Variants in RBX1 observed in about 807,000 individuals in gnomAD.
The protein encoded by RBX1 is ring-box 1, also known as E3 ubiquitin-protein ligase RBX1.
For missense variants in RBX1, 46 were observed against 141.4 expected (o/e 0.33, Z 3.42); for synonymous variants, 48 against 47.9 (o/e 1.00, Z -0.01).
At chr22:40,964,890 G>C (rs1287806448) in intron 3 of RBX1, among the ~76,000 whole-genome samples, 2 of 152,116 alleles carry the variant, frequency 1.3e-5, no homozygotes, top group Non-Finnish European at 2.9e-5. Flanking sequence ...CCAATCCTGG[G>C]TTCCCTCATA....
chr22:40,972,179 C>T (rs1298330760), intron 4 of RBX1, among the ~76,000 whole-genome samples: 1 of 152,178 alleles, frequency 6.6e-6, no homozygotes, highest in African/African-American at 2.4e-5. Context: ...AATGACTTTT[C>T]CCTCTCACCT....
chr22:40,953,760 A>G (rs1298466438), intron 2 of RBX1, 127 bp downstream of exon 2: 1 of 664,498 alleles, frequency 1.5e-6, no homozygotes, highest in African/African-American at 1.8e-5. Flanking sequence ...GGTCTTCTGT[A>G]TCTAGTCTGT....
rs1209264381 is a variant in RBX1, at chr22:40,953,572, C to T, written c.96C>T (p.Leu32=). The T allele has an allele frequency of 3.7e-6, 6 of 1,610,824 alleles. No individual in the cohort carries two copies. The highest frequency in any genetic ancestry group is 5.1e-6 in the Non-Finnish European group (6 of 1,177,510). Residue 32 remains leucine (L), a synonymous_variant, in exon 2 of 5, where the codon CTC becomes CTT. Coordinates refer to ENST00000216225, the MANE Select transcript of RBX1 (RefSeq NM_014248.4). ...FEVKKWNAVA[L]WAWDIVVDNC... is the part of the protein sequence containing the mutation. ...CTTTGCAGTGGAATGCAGTAGCCCTCTGGGCCTGGGATATTGTGGTTGATA... is the reference window on the plus strand; with the variant it reads ...CTTTGCAGTGGAATGCAGTAGCCCTTTGGGCCTGGGATATTGTGGTTGATA...
Position 40,964,127 on chromosome 22 carries a change from C to A in RBX1, c.228+10C>A. ...ATGGGGAGTCTGTAACGTAAGGAAG[C>A]ATCTTTACCTGTCAGCATGGCTTGT... On this transcript the variant is annotated intron_variant, in intron 3 of 4. Coordinates refer to ENST00000216225, the MANE Select transcript of RBX1 (RefSeq NM_014248.4). 6.3e-7 allele frequency: 1 copy of A among 1,598,842 alleles called. No homozygotes were observed. Among genetic ancestry groups the A allele is most frequent in the Non-Finnish European group, 8.6e-7 (1 of 1,166,108 alleles).
At chr22:40,967,727 G>A in intron 3 of RBX1, 72 bp from the exon 4 acceptor site, 1 of 1,241,940 alleles carries the variant, frequency 8.1e-7, no homozygotes, top group Non-Finnish European at 1.2e-6. Context: ...CCACTACCCT[G>A]TGGGACCTGT....
intron 2 of RBX1, among the ~76,000 whole-genome samples, chr22:40,956,717 C>A (rs556524104): frequency 6.6e-6 from 1 of 151,738 alleles, no homozygotes; most frequent in Admixed American, 6.6e-5. Flanking sequence ...CCACCATGTC[C>A]GACCTCAAGT....
chr22:40,971,006 A>C (rs571262641), intron 4 of RBX1, among the ~76,000 whole-genome samples: 1 of 152,174 alleles, frequency 6.6e-6, no homozygotes, highest in Non-Finnish European at 1.5e-5. Context: ...CTTGCATTCT[A>C]CAGGGAACCA....
chr22:40,961,852 T>C (rs531809186), intron 2 of RBX1, among the ~76,000 whole-genome samples: 1 of 151,458 alleles, frequency 6.6e-6, no homozygotes, highest in South Asian at 2.1e-4. Context: ...TGGTGTGATC[T>C]CGGCTCACTG....
intron 2 of RBX1, among the ~76,000 whole-genome samples, chr22:40,959,877 G>C (rs1336442566): frequency 6.6e-6 from 1 of 152,292 alleles, no homozygotes; most frequent in Admixed American, 6.5e-5. Context: ...AGCACCATGG[G>C]AGGCCGAGGC....
At chr22:40,958,894 A>C (rs1036893208) in intron 2 of RBX1, among the ~76,000 whole-genome samples, 1 of 151,340 alleles carries the variant, frequency 6.6e-6, no homozygotes, top group African/African-American at 2.4e-5. Flanking sequence ...GTGCACTGCA[A>C]CCTCTGCCTC....
Position 40,956,158 on chromosome 22 carries a change from A to G in RBX1, c.157+2525A>G, listed in dbSNP as rs940767298. Among the ~76,000 whole-genome samples, 8 of 152,246 alleles carry G rather than the reference A, an allele frequency of 5.3e-5. No homozygotes were observed. In the South Asian group the frequency reaches 1.0e-3, roughly 20 times the overall value. ...GGACCACAGAAGACAAAGGCGATCT[A>G]TATTGTCTTCTCTTAGAGTGAAATG... On this transcript the variant is annotated intron_variant, in intron 2 of 4. Coordinates refer to ENST00000216225, the MANE Select transcript of RBX1 (RefSeq NM_014248.4).
chr22:40,951,614 G>A (rs1320872666), intron 1 of RBX1, 138 bp downstream of exon 1: 2 of 778,244 alleles, frequency 2.6e-6, no homozygotes, highest in Non-Finnish European at 2.0e-6. Flanking sequence ...AAAGGAAGCC[G>A]GGGGGCGGGT....
In RBX1 at chr22:40,951,422, T is replaced by C. The variant is rs1601532696; in HGVS notation, c.24T>C (p.Asp8=). The change falls in exon 1 of 5, where the codon GAT becomes GAC. Residue 8 remains aspartate (D), a synonymous_variant. Transcript: ENST00000216225. MAAAMDV[D]TPSGTNSGAG... ...AAATGGCGGCAGCGATGGATGTGGA[T>C]ACCCCGAGCGGCACCAACAGCGGCG... The C allele has an allele frequency of 3.1e-6, 5 of 1,613,530 alleles. No individual in the cohort carries two copies. The highest frequency in any genetic ancestry group is 4.2e-6 in the Non-Finnish European group (5 of 1,179,770).
chr22:40,968,409 G>A (rs796810679), intron 4 of RBX1, among the ~76,000 whole-genome samples: 42 of 151,986 alleles, frequency 2.8e-4, no homozygotes, highest in African/African-American at 3.9e-4. Context: ...AACCTTCTAC[G>A]GTCTGTGAAA....
chr22:40,954,834 T>G (rs1371910939), intron 2 of RBX1, among the ~76,000 whole-genome samples: 6 of 152,022 alleles, frequency 3.9e-5, no homozygotes, highest in Non-Finnish European at 4.4e-5. Flanking sequence ...TCGCCCAGGT[T>G]GGAGTGCAGT....
In RBX1 at chr22:40,963,465, A is replaced by G. The variant is rs542478753; in HGVS notation, c.158-582A>G. On this transcript the variant is annotated intron_variant, in intron 2 of 4. Transcript: ENST00000216225. ...AGCCTGGCCAACACGGAGAAACCCC[A>G]TCTCTACTAAAAATACAAAATTAGC... Among the ~76,000 whole-genome samples, 9 of 152,038 alleles carry G rather than the reference A, an allele frequency of 5.9e-5. No homozygotes were observed. The South Asian group carries it at 1.9e-3, about 32-fold the overall frequency.
intron 1 of RBX1, among the ~76,000 whole-genome samples, 163 bp from the exon 2 acceptor site, chr22:40,953,392 C>T (rs1368865518): frequency 6.6e-5 from 10 of 152,172 alleles, no homozygotes. Context: ...GTGTAGTCTA[C>T]TGTTGTCTTT....
intron 2 of RBX1, among the ~76,000 whole-genome samples, chr22:40,960,819 C>T (rs1020129073): frequency 6.6e-6 from 1 of 151,820 alleles, no homozygotes; most frequent in Non-Finnish European, 1.5e-5. Context: ...AGTGCAGTGG[C>T]GCGATCCCAG....
At position 40,964,035 on chromosome 22, in the gene RBX1, T is replaced by A. The variant is rs1295681590; in HGVS notation, c.158-12T>A. The A allele has an allele frequency of 4.3e-6, 7 of 1,611,854 alleles. No individual in the cohort carries two copies. Among genetic ancestry groups the A allele is most frequent in the Non-Finnish European group, 5.1e-6 (6 of 1,178,062 alleles). ...CCAAGGTCCAGTGATCCTGTTGCTC[T>A]TGTTCCCACAGGCATAGAATGTCAA... is the stretch of plus-strand genomic sequence containing the variant. On this transcript the variant is annotated splice_polypyrimidine_tract_variant and intron_variant, in intron 2 of 4. Coordinates refer to ENST00000216225, the MANE Select transcript of RBX1 (RefSeq NM_014248.4).
Sources: allele counts gnomAD v4.1 joint callset (sites outside exome capture counted in the v4.1 genomes callset), GRCh38; gene constraint gnomAD v4.1.1; transcripts MANE v1.5; gene names NCBI Gene and HGNC (gene_info 2026-07-23, HGNC 2026-07-21).